OXNAD1: variants seen among roughly 807,000 people sequenced by gnomAD.
The protein encoded by OXNAD1 is oxidoreductase NAD-binding domain-containing protein 1.
Under a neutral mutation model 32.9 loss-of-function variants are expected in OXNAD1, and 34 were observed. The ratio of observed to expected loss-of-function variants is 1.03; its 90% confidence interval spans 0.79 to 1.38. The LOEUF (loss-of-function observed/expected upper bound fraction) is 1.38, where lower values mean the gene tolerates loss of function less well. OXNAD1 is among the 40% of genes most tolerant of loss of function. The probability of loss-of-function intolerance (pLI) is 0.00; values close to 1 mark genes in which losing one functional copy is unlikely to be tolerated. For synonymous variants in OXNAD1, 134 were observed against 135.2 expected (o/e 0.99, Z 0.06); for missense variants, 407 against 379.4 (o/e 1.07, Z -0.60).
chr3:16,351,341 TG>T (rs765735818), downstream of OXNAD1, among the ~76,000 whole-genome samples: 1 of 152,128 alleles, frequency 6.6e-6, no homozygotes, highest in Non-Finnish European at 1.5e-5. This position sits in a 1 kb window ranked among gnomAD's most constrained non-coding sequence, Gnocchi z 5.4. Context: ...AAGCCAAGGC[TG>T]GAAGATCCCC....
At chr3:16,279,817 G>C (rs74432050) in intron 4 of OXNAD1, among the ~76,000 whole-genome samples, 4,371 of 152,280 alleles carry the variant, frequency 0.029, 105 homozygotes, top group Non-Finnish European at 0.038. Context: ...GAGGGTGAAA[G>C]CCTGATCAGA....
chr3:16,315,317 C>T (rs1055594617), intron 9 of OXNAD1, among the ~76,000 whole-genome samples: 12 of 152,014 alleles, frequency 7.9e-5, no homozygotes, highest in African/African-American at 1.4e-4. Flanking sequence ...GGTTTCACCA[C>T]GTTGGCCAGG....
In OXNAD1 at chr3:16,335,777, A is replaced by T. The variant is rs1026098832; in HGVS notation, c.*31-1335A>T. ...TCCTGCACTTGCACCCTGGAACTTT[A>T]AAAAAAAAAAAAAAAAAAGGAGTTT... On this transcript the variant is annotated intron_variant, in intron 9 of 9. Transcript: ENST00000435829. The surrounding 1 kb of genome is among the most constrained non-coding windows in gnomAD (Gnocchi z 4.7). Among the ~76,000 whole-genome samples the T allele has an allele frequency of 3.2e-5, 2 of 61,808 alleles. No homozygotes were observed. Among genetic ancestry groups the T allele is most frequent in the South Asian group, 3.9e-4 (1 of 2,584 alleles). The allele number at this position is 61,808 out of a possible 152,430, so 40.5% of individuals were successfully genotyped here.
intron 9 of OXNAD1, chr3:16,347,922 G>A (rs1292028905): frequency 6.6e-6 from 1 of 152,232 alleles, no homozygotes; most frequent in Admixed American, 6.5e-5. Context: ...TGCTGCCAGT[G>A]AGGGAGCGGG....
intron 4 of OXNAD1, among the ~76,000 whole-genome samples, chr3:16,282,131 C>A (rs1309089704): frequency 1.4e-5 from 2 of 147,310 alleles, no homozygotes; most frequent in Non-Finnish European, 1.5e-5. Flanking sequence ...TATCTGCCTG[C>A]CTTGGTCTCC....
chr3:16,276,225 C>A (rs573347454), intron 4 of OXNAD1: 65 of 237,424 alleles, frequency 2.7e-4, no homozygotes, highest in African/African-American at 1.4e-3. Flanking sequence ...ATTGCGTGTT[C>A]AGGGAGCACA....
exon 10 of OXNAD1, chr3:16,349,611 T>C (rs976993722): frequency 2.0e-5 from 3 of 152,242 alleles, no homozygotes; most frequent in Non-Finnish European, 4.4e-5. Flanking sequence ...GAAAAGGGTA[T>C]GTTCAAGACA....
Position 16,327,342 on chromosome 3 carries a change from G to A in OXNAD1, c.*31-9770G>A, listed in dbSNP as rs951716790. On this transcript the variant is annotated intron_variant, in intron 9 of 9. Transcript: ENST00000435829. This position sits in a 1 kb window ranked among gnomAD's most constrained non-coding sequence, Gnocchi z 4.2. ...GCAACACACACATGCACATCCACAT[G>A]TGTGTGTACACGCAGAAGCTGCTTT... 6.6e-6 allele frequency among the ~76,000 whole-genome samples: 1 copy of A among 152,200 alleles called. No homozygotes were observed. The highest frequency in any genetic ancestry group is 1.5e-5 in the Non-Finnish European group (1 of 68,020).
intron 9 of OXNAD1, among the ~76,000 whole-genome samples, chr3:16,313,356 T>C (rs1379671581): frequency 1.3e-5 from 2 of 152,026 alleles, no homozygotes; most frequent in Non-Finnish European, 2.9e-5. Context: ...TGGTCCATCT[T>C]GAACTGTGCT....
At chr3:16,306,217 T>C (rs2067547047), downstream of OXNAD1, 1 of 151,812 alleles carries the variant, frequency 6.6e-6, no homozygotes, top group African/African-American at 2.4e-5. Context: ...TTTTCAAACA[T>C]ATGACAAAGT....
Position 16,297,693 on chromosome 3 carries a change from A to C in OXNAD1, c.432+2696A>C, listed in dbSNP as rs1169777484. 6.6e-6 allele frequency among the ~76,000 whole-genome samples: 1 copy of C among 152,206 alleles called. No homozygotes were observed. The highest frequency in any genetic ancestry group is 2.1e-4 in the South Asian group (1 of 4,832). On this transcript the variant is annotated intron_variant, in intron 6 of 8. Transcript: ENST00000285083. This position sits in a 1 kb window ranked among gnomAD's most constrained non-coding sequence, Gnocchi z 4.3. ...TTGATGCATGCAGCAATGTGGGTGAATCTCAGAGGCATTCTGTTGAGTGCA... is the reference window on the plus strand; with the variant it reads ...TTGATGCATGCAGCAATGTGGGTGACTCTCAGAGGCATTCTGTTGAGTGCA...
intron 4 of OXNAD1, among the ~76,000 whole-genome samples, chr3:16,274,712 T>A (rs979929006): frequency 6.6e-6 from 1 of 152,224 alleles, no homozygotes; most frequent in African/African-American, 2.4e-5. Context: ...AAGCCATATA[T>A]GCCAGTGGTG....
At chr3:16,281,729 C>T (rs6763538) in intron 4 of OXNAD1, among the ~76,000 whole-genome samples, 4,773 of 152,134 alleles carry the variant, frequency 0.031, 105 homozygotes, top group Middle Eastern at 0.082. Flanking sequence ...TTGATCGTGA[C>T]GCATTCTCAG....
In OXNAD1 at chr3:16,269,274, AG is replaced by A; in HGVS notation, c.-9+1del. ...ACTCCTAAAATCTCGTGGACTTCTA[AG>A]GTAAGTTTCAACTTCTTTCTTTCAG... On this transcript the variant is annotated splice_region_variant and 5_prime_UTR_variant, in exon 2 of 9. Coordinates refer to ENST00000285083, the MANE Select transcript of OXNAD1 (RefSeq NM_138381.5). 6.5e-7 allele frequency: 1 copy of A among 1,535,266 alleles called. No homozygotes were observed. Among genetic ancestry groups the A allele is most frequent in the South Asian group, 1.2e-5 (1 of 84,000 alleles).
At chr3:16,279,663 C>A (rs1450391200) in intron 4 of OXNAD1, among the ~76,000 whole-genome samples, 1 of 151,886 alleles carries the variant, frequency 6.6e-6, no homozygotes, top group East Asian at 1.9e-4. Context: ...GGAAGGAGAT[C>A]AGCAGAGTGT....
chr3:16,275,986 A>G (rs1359230539), intron 4 of OXNAD1: 1 of 153,940 alleles, frequency 6.5e-6, no homozygotes, highest in Non-Finnish European at 1.4e-5. Flanking sequence ...GATGTTTCCA[A>G]CGTAGATTCT....
rs2070934833 is a variant in OXNAD1 at position 16,337,138 on chromosome 3, G to T, written c.*57G>T. ...AACCCTGCCTACGCCATGAGGACAGGCCCAGGCTAGCCTTCGGATGATGAG... is the reference window on the plus strand; with the variant it reads ...AACCCTGCCTACGCCATGAGGACAGTCCCAGGCTAGCCTTCGGATGATGAG... On this transcript the variant is annotated 3_prime_UTR_variant, in exon 10 of 10. Transcript: ENST00000435829. This position sits in a 1 kb window ranked among gnomAD's most constrained non-coding sequence, Gnocchi z 5.0. 1.3e-5 allele frequency: 2 copies of T among 152,200 alleles called. No individual in the cohort carries two copies. Among genetic ancestry groups the T allele is most frequent in the African/African-American group, 4.8e-5 (2 of 41,436 alleles). The allele number at this position is 152,200 out of a possible 1,614,324, so 9.4% of individuals were successfully genotyped here. A position where few individuals can be genotyped will look rare whatever the true frequency, so the allele number is the denominator to read the frequency against.
At chr3:16,319,555 A>C (rs967374496) in intron 9 of OXNAD1, among the ~76,000 whole-genome samples, 2 of 152,162 alleles carry the variant, frequency 1.3e-5, no homozygotes, top group African/African-American at 4.8e-5. Context: ...GGACAATTCC[A>C]CCACGTGCTA....
intron 9 of OXNAD1, among the ~76,000 whole-genome samples, chr3:16,324,549 G>A (rs1042059565): frequency 6.8e-6 from 1 of 148,062 alleles, no homozygotes; most frequent in Non-Finnish European, 1.5e-5. Context: ...TCTGTGCCTG[G>A]TTTATTTCAC....
Sources: allele counts gnomAD v4.1 joint callset (sites outside exome capture counted in the v4.1 genomes callset), GRCh38; gene constraint gnomAD v4.1.1; non-coding constraint Gnocchi (gnomAD v3.1); transcripts MANE v1.5; gene names NCBI Gene and HGNC (gene_info 2026-07-23, HGNC 2026-07-21).